VEPH1: variants seen among roughly 807,000 people sequenced by gnomAD.
The protein encoded by VEPH1 is ventricular zone expressed PH domain containing 1.
Under a neutral mutation model 85.2 loss-of-function variants are expected in VEPH1, and 80 were observed. The ratio of observed to expected loss-of-function variants is 0.94; its 90% CI spans 0.78 to 1.13. The LOEUF is 1.13. Among genes scored for constraint, VEPH1 ranks in the 50% most tolerant of loss-of-function variants. VEPH1 has a pLI of 0.00. For missense variants in VEPH1, 955 were observed against 980.5 expected, an observed-to-expected ratio of 0.97 and a Z score of 0.35; for synonymous variants, 297 against 348.0, an observed-to-expected ratio of 0.85 and a Z score of 1.63.
intron 5 of VEPH1, among the ~76,000 whole-genome samples, chr3:157,416,835 TA>T (rs1731949478): frequency 8.3e-6 from 1 of 120,444 alleles, no homozygotes; most frequent in Non-Finnish European, 1.8e-5. Context: ...AAGAAAGAAA[TA>T]AAGAAAGAAA....
At chr3:157,262,150 C>T (rs1490593304) in intron 13 of VEPH1, among the ~76,000 whole-genome samples, 1 of 152,130 alleles carries the variant, frequency 6.6e-6, no homozygotes, top group Non-Finnish European at 1.5e-5. Context: ...CTTCACTCAT[C>T]CCATACTTTC....
At chr3:157,304,917 TAA>T (rs1719289801) in intron 11 of VEPH1, among the ~76,000 whole-genome samples, 1 of 152,088 alleles carries the variant, frequency 6.6e-6, no homozygotes, top group Non-Finnish European at 1.5e-5. Flanking sequence ...GTATTTACTG[TAA>T]GTGTGTTTCA....
chr3:157,374,333 G>A (rs1577484878), intron 7 of VEPH1, among the ~76,000 whole-genome samples: 1 of 152,140 alleles, frequency 6.6e-6, no homozygotes, highest in African/African-American at 2.4e-5. Flanking sequence ...ACCTTGGTGG[G>A]GCAAAATTAT....
intron 4 of VEPH1, among the ~76,000 whole-genome samples, chr3:157,443,978 T>A (rs186940437): frequency 2.0e-5 from 3 of 152,288 alleles, no homozygotes; most frequent in Admixed American, 6.5e-5. Flanking sequence ...CTGCAAGACA[T>A]GGCTTAGGAA....
At chr3:157,405,100 C>G (rs1036108819) in intron 6 of VEPH1, among the ~76,000 whole-genome samples, 3 of 152,112 alleles carry the variant, frequency 2.0e-5, no homozygotes, top group African/African-American at 4.8e-5. Flanking sequence ...AAGATCAAGT[C>G]TGCGGGGACC....
In VEPH1 at chr3:157,363,767, G is replaced by C. The variant is rs771216154; in HGVS notation, c.1338-6C>G. 8.7e-6 allele frequency: 14 copies of C among 1,606,376 alleles called. No individual in the cohort carries two copies. The African/African-American group carries it at 1.7e-4, about 20-fold the overall frequency. On this transcript the variant is annotated splice_region_variant and splice_polypyrimidine_tract_variant and intron_variant, in intron 8 of 13. Transcript: ENST00000362010. ...GGAAAGCCAAACTTTTTGACCTAGAGTTCAAACAAAGGGAAAGTTAAAGAA... is the reference window on the plus strand; with the variant it reads ...GGAAAGCCAAACTTTTTGACCTAGACTTCAAACAAAGGGAAAGTTAAAGAA...
chr3:157,268,886 C>T (rs1164858078), intron 12 of VEPH1, among the ~76,000 whole-genome samples: 8 of 152,020 alleles, frequency 5.3e-5, no homozygotes, highest in Non-Finnish European at 1.2e-4. Flanking sequence ...TAGCTGGGAC[C>T]ACAGGTGCAC....
chr3:157,458,811 G>A (rs1735587224), intron 4 of VEPH1, among the ~76,000 whole-genome samples: 1 of 152,142 alleles, frequency 6.6e-6, no homozygotes, highest in Non-Finnish European at 1.5e-5. Context: ...TATGGTGATA[G>A]TTGTCCAGTT....
chr3:157,473,052 G>T (rs2109492421), intron 2 of VEPH1, among the ~76,000 whole-genome samples: 1 of 139,842 alleles, frequency 7.2e-6, no homozygotes, highest in Admixed American at 7.1e-5. Flanking sequence ...ATTAGTTTTT[G>T]CTGATTAAAT....
At chr3:157,272,328 C>CTCTT (rs1297892859) in intron 12 of VEPH1, among the ~76,000 whole-genome samples, 2 of 144,766 alleles carry the variant, frequency 1.4e-5, no homozygotes, top group African/African-American at 5.1e-5. Flanking sequence ...CTCTCTCTCT[C>CTCTT]TCTTTCTTTC....
At chr3:157,420,452 T>C (rs1732245291) in intron 5 of VEPH1, among the ~76,000 whole-genome samples, 1 of 152,200 alleles carries the variant, frequency 6.6e-6, no homozygotes, top group African/African-American at 2.4e-5. Context: ...TTTTAATTAC[T>C]TTGGCTAGCA....
At chr3:157,464,116 G>A (rs57705005) in intron 3 of VEPH1, among the ~76,000 whole-genome samples, 5,801 of 152,246 alleles carry the variant, frequency 0.038, 367 homozygotes, top group African/African-American at 0.13. Flanking sequence ...TCTCAATTAT[G>A]ATCATATCCT....
At chr3:157,301,445 C>A (rs1718798157) in intron 11 of VEPH1, among the ~76,000 whole-genome samples, 1 of 152,190 alleles carries the variant, frequency 6.6e-6, no homozygotes, top group South Asian at 2.1e-4. Flanking sequence ...TACAAACAGG[C>A]TCTGAAGGCT....
intron 12 of VEPH1, among the ~76,000 whole-genome samples, chr3:157,276,358 T>C (rs1319157180): frequency 6.6e-6 from 1 of 152,238 alleles, no homozygotes; most frequent in African/African-American, 2.4e-5. Context: ...ATCAGAATTA[T>C]CTGCCAGCTT....
chr3:157,307,993 T>C (rs1011063580), intron 11 of VEPH1, among the ~76,000 whole-genome samples: 7 of 151,834 alleles, frequency 4.6e-5, no homozygotes, highest in African/African-American at 1.7e-4. Flanking sequence ...ACATTTTCTA[T>C]TTAGTTATTA....
At chr3:157,414,194 G>T in intron 5 of VEPH1, 104 bp from the exon 6 acceptor site, 1 of 799,244 alleles carries the variant, frequency 1.3e-6, no homozygotes, top group Non-Finnish European at 2.0e-6. Flanking sequence ...CATTAAACCT[G>T]AACTCAACAC....
Position 157,481,466 on chromosome 3 carries a change from A to ACAC in VEPH1, c.139-10938_139-10937insGTG, listed in dbSNP as rs60332684. On this transcript the variant is annotated intron_variant, in intron 2 of 13. Transcript: ENST00000362010. The stretch of plus-strand genomic sequence containing the variant: ...CACACACACACACACACACACACAC[A>ACAC]AAAAAAAAAAAAAAAAAAAACAATC... 5.4e-3 allele frequency among the ~76,000 whole-genome samples: 261 copies of ACAC among 48,160 alleles called. 2 individuals carry two copies. Among genetic ancestry groups the ACAC allele is most frequent in the African/African-American group, 0.02 (183 of 9,194 alleles). 31.6% of individuals were successfully genotyped at this position (48,160 alleles called of 152,430 possible). A position where few individuals can be genotyped will look rare whatever the true frequency, so the allele number is the denominator to read the frequency against.
chr3:157,287,184 G>A (rs1251157826), intron 11 of VEPH1, among the ~76,000 whole-genome samples: 1 of 152,044 alleles, frequency 6.6e-6, no homozygotes, highest in Non-Finnish European at 1.5e-5. Flanking sequence ...ACCAGCCTGG[G>A]CAACATGGCA....
At chr3:157,291,138 G>A (rs760003481) in intron 11 of VEPH1, among the ~76,000 whole-genome samples, 12 of 152,186 alleles carry the variant, frequency 7.9e-5, no homozygotes, top group Admixed American at 1.3e-4. Flanking sequence ...TGTGCACTGT[G>A]TGCCTGTGGT....
Sources: gnomAD v4.1 joint callset for allele counts (sites outside exome capture counted in the v4.1 genomes callset) on GRCh38, gnomAD v4.1.1 for gene constraint, MANE v1.5 for transcripts, NCBI Gene and HGNC (gene_info 2026-07-23, HGNC 2026-07-21) for gene names.